The following HJURP variants were observed in gnomAD, a reference collection of about 807,000 sequenced individuals.
HJURP encodes Holliday junction recognition protein.
Under a neutral mutation model 72.0 loss-of-function variants are expected in HJURP, and 49 were observed. The observed-to-expected ratio is 0.68, with a 90% CI of 0.54 to 0.86. HJURP has a LOEUF of 0.86. Among genes scored for constraint, HJURP ranks in the 40% least tolerant of loss-of-function variants. The pLI is 0.00. For synonymous variants in HJURP, 357 were observed against 347.1 expected (o/e 1.03, Z -0.32); for missense variants, 908 against 936.3 (o/e 0.97, Z 0.39).
At chr2:233,843,049 A>C (rs868028685) in intron 7 of HJURP, among the ~76,000 whole-genome samples, 1 of 152,240 alleles carries the variant, frequency 6.6e-6, no homozygotes, top group African/African-American at 2.4e-5. Context: ...TGTGAATCAA[A>C]GAACAAAAAG....
chr2:233,846,014 A>G lies in HJURP; in HGVS notation c.403-194T>C. On this transcript the variant is annotated intron_variant, in intron 5 of 8. Coordinates refer to ENST00000411486, the MANE Select transcript of HJURP (RefSeq NM_018410.5). The surrounding 1 kb of genome is among the most constrained non-coding windows in gnomAD (Gnocchi z 4.3). ...TATGTTAATAATCCAAAAGAATGTA[A>G]AAAGACACACACACACAAAAAAACC... 2 of 524,870 alleles carry G rather than the reference A, an allele frequency of 3.8e-6. No homozygotes were observed. The highest frequency in any genetic ancestry group is 5.6e-5 in the South Asian group (2 of 36,008). 32.5% of individuals were successfully genotyped at this position (524,870 alleles called of 1,614,324 possible).
chr2:233,852,313 G>A lies in HJURP; in HGVS notation c.240+252C>T, dbSNP rs557675498. Among the ~76,000 whole-genome samples, 5 of 152,284 alleles carry A rather than the reference G, an allele frequency of 3.3e-5. No homozygotes were observed. The South Asian group carries it at 1.0e-3, about 32-fold the overall frequency. ...CAGCCTCTGCACATGTATTATCAGA[G>A]CCCCTCAGCCTGTGACACAGGAAAC... is the stretch of plus-strand genomic sequence containing the variant. On this transcript the variant is annotated intron_variant, in intron 3 of 8. Transcript: ENST00000411486.
At chr2:233,844,315 A>T (rs773812300) in intron 6 of HJURP, 32 bp from the exon 7 acceptor site, 5 of 1,593,926 alleles carry the variant, frequency 3.1e-6, no homozygotes, top group Non-Finnish European at 4.3e-6. Flanking sequence ...ACAAGAAAAA[A>T]GTTGCCAGGT....
chr2:233,853,399 C>G (rs1705541166), intron 2 of HJURP, among the ~76,000 whole-genome samples: 1 of 152,236 alleles, frequency 6.6e-6, no homozygotes, highest in South Asian at 2.1e-4. Context: ...ACAGTTACTA[C>G]TCCAAGTTAA....
At position 233,846,777 on chromosome 2, in the gene HJURP, A is replaced by G. The variant is rs912264842; in HGVS notation, c.402+620T>C. On this transcript the variant is annotated intron_variant, in intron 5 of 8. Transcript: ENST00000411486. This position sits in a 1 kb window ranked among gnomAD's most constrained non-coding sequence, Gnocchi z 4.3. ...TGCATCAGGTATTCTGGCAGGCAACAGAGTGTGACACGGGGGCCAGGAAAG... is the reference window on the plus strand; with the variant it reads ...TGCATCAGGTATTCTGGCAGGCAACGGAGTGTGACACGGGGGCCAGGAAAG... Among the ~76,000 whole-genome samples the G allele has an allele frequency of 6.6e-6, 1 of 152,234 alleles. No homozygotes were observed. Among genetic ancestry groups the G allele is most frequent in the Non-Finnish European group, 1.5e-5 (1 of 68,040 alleles).
At chr2:233,849,070 T>C (rs760547903) in intron 4 of HJURP, among the ~76,000 whole-genome samples, 20 of 152,056 alleles carry the variant, frequency 1.3e-4, no homozygotes, top group Non-Finnish European at 1.2e-4. Flanking sequence ...TCACCCAGAG[T>C]TGGGCTTTAG....
Position 233,847,450 on chromosome 2 carries a change from C to T in HJURP, c.349G>A (p.Gly117Ser), listed in dbSNP as rs754059303. Residue 117 changes from glycine (G) to serine (S), a missense_variant, in exon 5 of 9, where the codon GGT (glycine) becomes AGT (serine). Gly to Ser is a moderately conservative substitution (Grantham distance 56). Around this residue, in one of 3 missense-constraint regions of HJURP, gnomAD observed 299 missense variants for 286.7 expected, o/e 1.04. Transcript: ENST00000411486. Reference protein sequence around the residue: ...RTVLGADSKSGEVDATSDQEE... With the variant: ...RTVLGADSKSSEVDATSDQEE... Reference sequence around the variant, plus strand: ...TGGTCTGACGTGGCATCGACCTCACCGCTTTTTGAATCTAAAAGTCAAACA... The same window carrying T: ...TGGTCTGACGTGGCATCGACCTCACTGCTTTTTGAATCTAAAAGTCAAACA... 1.9e-5 allele frequency: 30 copies of T among 1,613,898 alleles called. No homozygotes were observed. Among genetic ancestry groups the T allele is most frequent in the Non-Finnish European group, 2.3e-5 (27 of 1,179,868 alleles).
At chr2:233,847,572 T>C (rs1049994861) in intron 4 of HJURP, 111 bp from the exon 5 acceptor site, 22 of 903,324 alleles carry the variant, frequency 2.4e-5, no homozygotes, top group South Asian at 1.7e-4. Context: ...AAAATCCCCA[T>C]TGCTTCAAGG....
In HJURP at chr2:233,841,084, C is replaced by T; in HGVS notation, c.1696G>A (p.Asp566Asn). The change falls in exon 8 of 9, where the codon GAT becomes AAT. Residue 566 changes from aspartate to asparagine, a missense_variant. Transcript: ENST00000411486. ...VSPSKTLSVP[D>N]KEVPGHGRNR... is the part of the protein sequence containing the mutation. Reference sequence around the variant, plus strand: ...CTTCCGTGGCCTGGCACTTCTTTATCTGGGACTGAAAGAGTTTTGCTGGGT... The same window carrying T: ...CTTCCGTGGCCTGGCACTTCTTTATTTGGGACTGAAAGAGTTTTGCTGGGT... 1 of 1,614,152 alleles carries T rather than the reference C, an allele frequency of 6.2e-7. No individual in the cohort carries two copies. Among genetic ancestry groups the T allele is most frequent in the African/African-American group, 1.3e-5 (1 of 75,012 alleles).
At chr2:233,848,583 T>G (rs940705538) in intron 4 of HJURP, among the ~76,000 whole-genome samples, 1 of 152,084 alleles carries the variant, frequency 6.6e-6, no homozygotes, top group Non-Finnish European at 1.5e-5. Flanking sequence ...GAGGCTGAGA[T>G]GAAGATCCTG....
intron 1 of HJURP, 141 bp from the exon 2 acceptor site, chr2:233,854,051 A>C: frequency 1.5e-6 from 1 of 677,722 alleles, no homozygotes; most frequent in South Asian, 1.8e-5. Context: ...GGAGCCCCCA[A>C]CTCCGCCTCT....
chr2:233,849,461 C>T (rs1448261831), intron 4 of HJURP, among the ~76,000 whole-genome samples: 1 of 151,996 alleles, frequency 6.6e-6, no homozygotes, highest in Non-Finnish European at 1.5e-5. Flanking sequence ...ACAACACCAC[C>T]CTGTAGGGGC....
chr2:233,851,740 G>C (rs943994570), intron 3 of HJURP, among the ~76,000 whole-genome samples: 3 of 152,322 alleles, frequency 2.0e-5, no homozygotes, highest in Admixed American at 6.5e-5. Context: ...TCTTTGCAGA[G>C]AGGAATCAGC....
chr2:233,844,662 T>C (rs542110648), intron 6 of HJURP, among the ~76,000 whole-genome samples: 1 of 152,232 alleles, frequency 6.6e-6, no homozygotes, highest in East Asian at 1.9e-4. Context: ...CCCTAATCTG[T>C]TCCCTGGATC....
chr2:233,851,031 T>C (rs532877420), intron 3 of HJURP, among the ~76,000 whole-genome samples: 139 of 152,330 alleles, frequency 9.1e-4, no homozygotes, highest in Admixed American at 2.8e-3. Context: ...CCCGCTGAAA[T>C]CTCAGGCTAC....
chr2:233,847,262 G>C (rs938509446), intron 5 of HJURP, 135 bp downstream of exon 5: 6 of 686,686 alleles, frequency 8.7e-6, no homozygotes, highest in Non-Finnish European at 1.6e-5. Flanking sequence ...CTTGGAAGTA[G>C]CAAAAGCCAG....
chr2:233,852,656 T>A (rs1705523960), intron 2 of HJURP, 36 bp from the exon 3 acceptor site: 1 of 1,462,926 alleles, frequency 6.8e-7, no homozygotes, highest in South Asian at 1.1e-5. Context: ...ATTTACATAA[T>A]CCTGAACGCT....
rs762099170 is a variant in HJURP, at chr2:233,845,722, G to C, written c.495+6C>G. The C allele has an allele frequency of 7.7e-6, 12 of 1,556,004 alleles. No individual in the cohort carries two copies. Among genetic ancestry groups the C allele is most frequent in the Non-Finnish European group, 1.1e-5 (12 of 1,131,030 alleles). ...TATAAAAACAAACAACTGGGAAACA[G>C]ATTACCTCAAAATACTCTGCACCTT... On this transcript the variant is annotated splice_donor_region_variant and intron_variant, in intron 6 of 8. Coordinates refer to ENST00000411486, the MANE Select transcript of HJURP (RefSeq NM_018410.5).
At chr2:233,853,686 T>C (rs1465505116) in intron 2 of HJURP, among the ~76,000 whole-genome samples, 158 bp downstream of exon 2, 7 of 152,260 alleles carry the variant, frequency 4.6e-5, no homozygotes, top group Admixed American at 1.3e-4. Context: ...ATTGTTCTAA[T>C]AAGTAATTCA....
Sources: allele counts gnomAD v4.1 joint callset (sites outside exome capture counted in the v4.1 genomes callset), GRCh38; gene constraint gnomAD v4.1.1; regional missense constraint gnomAD v4.1.1; non-coding constraint Gnocchi (gnomAD v3.1); transcripts MANE v1.5; gene names NCBI Gene and HGNC (gene_info 2026-07-23, HGNC 2026-07-21).